Variants in VTI1A observed in about 807,000 individuals in gnomAD.
The protein encoded by VTI1A is vesicle transport through interaction with t-SNAREs homolog 1A.
VTI1A carries 22 observed loss-of-function variants against 34.9 expected under a neutral mutation model. The observed-to-expected ratio is 0.63, with a 90% CI of 0.45 to 0.90. The LOEUF is 0.90. VTI1A is among the 40% of genes least tolerant of loss of function. VTI1A has a pLI of 0.00. For synonymous variants in VTI1A, 87 were observed against 97.3 expected (o/e 0.89, Z 0.62); for missense variants, 268 against 275.6 (o/e 0.97, Z 0.20).
intron 5 of VTI1A, among the ~76,000 whole-genome samples, chr10:112,585,204 G>A (rs1187617593): frequency 1.3e-5 from 2 of 152,140 alleles, no homozygotes; most frequent in Non-Finnish European, 2.9e-5. Flanking sequence ...AAACAGTGTC[G>A]CAGACAGTAC....
At chr10:112,454,200 C>G (rs1847346484) in intron 1 of VTI1A, among the ~76,000 whole-genome samples, 1 of 152,188 alleles carries the variant, frequency 6.6e-6, no homozygotes, top group Non-Finnish European at 1.5e-5. Context: ...CTACATTGCA[C>G]AAAGACAGGT....
chr10:112,668,795 G>A (rs1452810627), intron 6 of VTI1A, 142 bp from the exon 7 acceptor site: 8 of 838,160 alleles, frequency 9.5e-6, no homozygotes, highest in Non-Finnish European at 1.4e-5. Flanking sequence ...AGTTTGTGTA[G>A]CTGTCAGAAT....
intron 7 of VTI1A, among the ~76,000 whole-genome samples, chr10:112,768,113 C>T (rs1202639978): frequency 6.6e-6 from 1 of 152,216 alleles, no homozygotes; most frequent in African/African-American, 2.4e-5. Context: ...TTTTGACCTT[C>T]AGTGGTTTGC....
At chr10:112,518,589 C>CTCTATATA (rs1475485810) in intron 3 of VTI1A, among the ~76,000 whole-genome samples, 1 of 94,336 alleles carries the variant, frequency 1.1e-5, no homozygotes, top group Non-Finnish European at 2.1e-5. Context: ...CTCTCTCTCT[C>CTCTATATA]TATATATATA....
chr10:112,518,579 C>CTATATATATA (rs1457202915), intron 3 of VTI1A, among the ~76,000 whole-genome samples: 1 of 96,510 alleles, frequency 1.0e-5, no homozygotes, highest in East Asian at 3.3e-4. Flanking sequence ...CTCTCTCTCT[C>CTATATATATA]TCTCTCTCTC....
intron 3 of VTI1A, among the ~76,000 whole-genome samples, chr10:112,495,541 G>C (rs1848988019): frequency 6.6e-6 from 1 of 152,102 alleles, no homozygotes; most frequent in South Asian, 2.1e-4. Context: ...AGTTGTTGTA[G>C]AATCAGTAAT....
chr10:112,750,710 C>T (rs887927130), intron 7 of VTI1A, among the ~76,000 whole-genome samples: 8 of 152,220 alleles, frequency 5.3e-5, no homozygotes, highest in African/African-American at 4.8e-5. Context: ...ATCCCTAATA[C>T]TCTGCAGAGT....
At chr10:112,826,726 G>C in the VTI1A span, 1 of 152,164 alleles carries the variant, frequency 6.6e-6, no homozygotes, top group East Asian at 1.9e-4. Flanking sequence ...TAGGTTTCCA[G>C]GAAGAAGGCA....
At chr10:112,672,985 C>A (rs1158654961) in intron 7 of VTI1A, among the ~76,000 whole-genome samples, 1 of 152,046 alleles carries the variant, frequency 6.6e-6, no homozygotes, top group East Asian at 1.9e-4. Flanking sequence ...ACCTTGGCTC[C>A]TCCGCTGCAT....
intron 5 of VTI1A, among the ~76,000 whole-genome samples, chr10:112,564,155 G>T (rs1181439877): frequency 6.7e-6 from 1 of 150,224 alleles, no homozygotes; most frequent in East Asian, 1.9e-4. Flanking sequence ...TGACCTTGAG[G>T]GAGAGAAAAA....
intron 7 of VTI1A, among the ~76,000 whole-genome samples, chr10:112,802,273 A>G (rs562616007): frequency 1.1e-4 from 17 of 152,250 alleles, no homozygotes; most frequent in Non-Finnish European, 2.2e-4. Flanking sequence ...TGTGTACTCA[A>G]TGACTGTGTC....
intron 7 of VTI1A, among the ~76,000 whole-genome samples, chr10:112,808,054 C>A (rs1042753087): frequency 2.0e-5 from 3 of 151,050 alleles, no homozygotes; most frequent in Admixed American, 2.0e-4. Flanking sequence ...CCTGTCTTTA[C>A]AAAAAATTTA....
At position 112,817,379 on chromosome 10, in the gene VTI1A, CG is replaced by C. The variant is rs1853554773; in HGVS notation, c.*1997del. The C allele has an allele frequency of 8.6e-6, 2 of 232,106 alleles. No individual in the cohort carries two copies. The highest frequency in any genetic ancestry group is 1.7e-5 in the Non-Finnish European group (2 of 117,408). The allele number at this position is 232,106 out of a possible 1,614,324, so 14.4% of individuals were successfully genotyped here. On this transcript the variant is annotated 3_prime_UTR_variant, in exon 8 of 8. Coordinates refer to ENST00000393077, the MANE Select transcript of VTI1A (RefSeq NM_145206.4). Reference sequence around the variant, plus strand: ...TCCTGAATATTTCACTGAATCCTGGCGTTCATGTTGAAGCAGACAAAATGAG... The same window carrying C: ...TCCTGAATATTTCACTGAATCCTGGCTTCATGTTGAAGCAGACAAAATGAG...
intron 4 of VTI1A, among the ~76,000 whole-genome samples, chr10:112,536,280 C>T (rs1051997145): frequency 6.6e-6 from 1 of 152,140 alleles, no homozygotes; most frequent in African/African-American, 2.4e-5. Flanking sequence ...TTTGATTTCA[C>T]AGATCTGATT....
chr10:112,549,295 G>A (rs917222402), intron 5 of VTI1A, among the ~76,000 whole-genome samples: 5 of 152,194 alleles, frequency 3.3e-5, no homozygotes, highest in Admixed American at 6.5e-5. Flanking sequence ...AACAGGTTTC[G>A]TTGAGCCCTA....
chr10:112,816,930 T>G lies in VTI1A; in HGVS notation c.*1547T>G, dbSNP rs997936739. ...CAAGGCCTGCATGTGTTCGGATAAA[T>G]CATTTAGTATTGTGTAAATAAAGCT... On this transcript the variant is annotated 3_prime_UTR_variant, in exon 8 of 8. Coordinates refer to ENST00000393077, the MANE Select transcript of VTI1A (RefSeq NM_145206.4). 1 of 230,936 alleles carries G rather than the reference T, an allele frequency of 4.3e-6. No homozygotes were observed. The highest frequency in any genetic ancestry group is 2.2e-5 in the African/African-American group (1 of 45,214). The allele number at this position is 230,936 out of a possible 1,614,324, so 14.3% of individuals were successfully genotyped here.
chr10:112,652,898 A>G lies in VTI1A; in HGVS notation c.428-15320A>G, dbSNP rs137945051. 5.9e-5 allele frequency among the ~76,000 whole-genome samples: 9 copies of G among 152,292 alleles called. No homozygotes were observed. The East Asian group carries it at 1.7e-3, about 29-fold the overall frequency. ...GTAGTGTTACTGGTGGAGGGTGTCC[A>G]GGTTCTTGGCATCTTGAACAAAGAA... On this transcript the variant is annotated intron_variant, in intron 5 of 7. Coordinates refer to ENST00000393077, the MANE Select transcript of VTI1A (RefSeq NM_145206.4).
chr10:112,670,980 C>A (rs987285766), intron 7 of VTI1A, among the ~76,000 whole-genome samples: 6 of 152,224 alleles, frequency 3.9e-5, no homozygotes, highest in African/African-American at 1.4e-4. Flanking sequence ...CATAACGTGG[C>A]AGGTTTTCTG....
At chr10:112,757,502 A>G (rs986300448) in intron 7 of VTI1A, among the ~76,000 whole-genome samples, 1 of 151,398 alleles carries the variant, frequency 6.6e-6, no homozygotes, top group African/African-American at 2.4e-5. Context: ...CTCCCGCCTC[A>G]GCCTCCTGAG....
Sources: gnomAD v4.1 joint callset for allele counts (sites outside exome capture counted in the v4.1 genomes callset) on GRCh38, gnomAD v4.1.1 for gene constraint, MANE v1.5 for transcripts, NCBI Gene and HGNC (gene_info 2026-07-23, HGNC 2026-07-21) for gene names.